The following STOX2 variants were observed in gnomAD, a reference collection of about 807,000 sequenced individuals.
STOX2 encodes the protein storkhead box 2.
STOX2 carries 28 observed loss-of-function variants against 60.9 expected under a neutral mutation model. The ratio of observed to expected loss-of-function variants is 0.46; its 90% CI spans 0.34 to 0.63. The LOEUF is 0.63. Among genes scored for constraint, STOX2 ranks in the 30% least tolerant of loss-of-function variants. The pLI is 0.01. For missense variants in STOX2, 1,024 were observed against 1,187.7 expected (o/e 0.86, Z 2.03); for synonymous variants, 472 against 463.9 (o/e 1.02, Z -0.22).
rs1212477742 is a variant in STOX2, at chr4:183,806,496, G to A, written c.364+8441G>A. Among the ~76,000 whole-genome samples the A allele has an allele frequency of 6.6e-6, 1 of 152,114 alleles. No individual in the cohort carries two copies. The highest frequency in any genetic ancestry group is 1.5e-5 in the Non-Finnish European group (1 of 68,030). ...CATCTTCCTGCCGCCTGAGGTTGCT[G>A]CAGCCTTCTGTCTTCACTGTGAACC... On this transcript the variant is annotated intron_variant, in intron 1 of 2. Coordinates refer to the STOX2 transcript ENST00000513034. This position sits in a 1 kb window ranked among gnomAD's most constrained non-coding sequence, Gnocchi z 4.1.
In STOX2 at chr4:183,824,349, A is replaced by G. The variant is rs79957282; in HGVS notation, c.364+26294A>G. On this transcript the variant is annotated intron_variant, in intron 1 of 2. Transcript: ENST00000513034. The stretch of plus-strand genomic sequence containing the variant: ...TATTTCTCACCGACATTCTACTTTC[A>G]TTTAAGGCTATTTTACTTTCCTAGG... Among the ~76,000 whole-genome samples the G allele has an allele frequency of 6.8e-3, 1,036 of 152,206 alleles. 9 individuals carry two copies. The highest frequency in any genetic ancestry group is 0.024 in the African/African-American group (1,009 of 41,522).
At chr4:183,899,382 A>G (rs1560870888) in intron 1 of STOX2, among the ~76,000 whole-genome samples, 1 of 152,242 alleles carries the variant, frequency 6.6e-6, no homozygotes, top group Non-Finnish European at 1.5e-5. Context: ...GAGATGGGCT[A>G]AAAGATAGGT....
intron 1 of STOX2, among the ~76,000 whole-genome samples, chr4:183,980,573 G>A (rs1309999486): frequency 1.3e-5 from 2 of 152,122 alleles, no homozygotes; most frequent in African/African-American, 4.8e-5. Flanking sequence ...GGGACTGTGA[G>A]AAGTACAAAT....
At chr4:184,007,091 T>C (rs1733902867) in intron 2 of STOX2, among the ~76,000 whole-genome samples, 1 of 150,606 alleles carries the variant, frequency 6.6e-6, no homozygotes, top group African/African-American at 2.4e-5. Flanking sequence ...TAAAAACTAA[T>C]GCTCACTTGC....
chr4:183,826,660 A>G (rs6812820), intron 1 of STOX2, among the ~76,000 whole-genome samples: 3,445 of 152,300 alleles, frequency 0.023, 110 homozygotes, highest in African/African-American at 0.079. Context: ...ATCGCCCTCA[A>G]CTTCAGTTTT....
intron 1 of STOX2, among the ~76,000 whole-genome samples, chr4:183,956,983 A>C (rs1299404693): frequency 1.7e-5 from 2 of 114,510 alleles, no homozygotes; most frequent in Non-Finnish European, 3.3e-5. Context: ...GGACACAGGA[A>C]GGGGAACATC....
At position 184,022,693 on chromosome 4, in the gene STOX2, T is replaced by G. The variant is rs1734635272; in HGVS notation, c.*5409T>G. 6.6e-6 allele frequency: 1 copy of G among 151,510 alleles called. No homozygotes were observed. The highest frequency in any genetic ancestry group is 1.5e-5 in the Non-Finnish European group (1 of 67,954). The allele number at this position is 151,510 out of a possible 1,614,324, so 9.4% of individuals were successfully genotyped here. ...GAGGTACCAAATGTGAGACCTGAGA[T>G]CTCCTCCAATATCTGTCCTCTGCAG... is the stretch of plus-strand genomic sequence containing the variant. On this transcript the variant is annotated 3_prime_UTR_variant, in exon 4 of 4. Transcript: ENST00000308497.
At chr4:183,808,486 C>T (rs2111098215) in intron 1 of STOX2, among the ~76,000 whole-genome samples, 1 of 152,322 alleles carries the variant, frequency 6.6e-6, no homozygotes. Context: ...CTAGGTTGAT[C>T]ACTTTCCTTT....
intron 1 of STOX2, among the ~76,000 whole-genome samples, chr4:183,867,518 T>C (rs951391925): frequency 1.3e-5 from 2 of 152,198 alleles, no homozygotes; most frequent in African/African-American, 4.8e-5. Context: ...CCCTTCATCA[T>C]TAAAAGCATA....
intron 1 of STOX2, among the ~76,000 whole-genome samples, chr4:183,824,145 A>T (rs1267878952): frequency 6.6e-6 from 1 of 152,268 alleles, no homozygotes; most frequent in Admixed American, 6.5e-5. Flanking sequence ...GCTTTAGCTC[A>T]TAAACCGTCA....
chr4:183,871,046 T>C (rs375542994), intron 1 of STOX2, among the ~76,000 whole-genome samples: 4 of 152,358 alleles, frequency 2.6e-5, no homozygotes, highest in African/African-American at 9.6e-5. Context: ...TTTTTATTCT[T>C]AGATGGCCTT....
rs1438512834 is a variant in STOX2, at chr4:184,018,895, T to C, written c.*1611T>C. ...TAAAGTTTTATTTAGTTCAGTGGCATGTGCTGTTGGGAGCCATACACCATA... is the reference window on the plus strand; with the variant it reads ...TAAAGTTTTATTTAGTTCAGTGGCACGTGCTGTTGGGAGCCATACACCATA... On this transcript the variant is annotated 3_prime_UTR_variant, in exon 4 of 4. Transcript: ENST00000308497. 1 of 152,256 alleles carries C rather than the reference T, an allele frequency of 6.6e-6. No individual in the cohort carries two copies. The allele number at this position is 152,256 out of a possible 1,614,324, so 9.4% of individuals were successfully genotyped here.
chr4:183,844,641 T>C (rs541408901), intron 1 of STOX2, among the ~76,000 whole-genome samples: 61 of 152,330 alleles, frequency 4.0e-4, no homozygotes, highest in African/African-American at 1.4e-3. Context: ...GTGGGTCATT[T>C]AATTGCAGTT....
intron 1 of STOX2, among the ~76,000 whole-genome samples, chr4:183,977,320 A>T (rs1383365031): frequency 6.6e-6 from 1 of 152,154 alleles, no homozygotes; most frequent in Non-Finnish European, 1.5e-5. Flanking sequence ...GTTAAAATGT[A>T]TCCACGGGAT....
rs1262853756 is a variant in STOX2, at chr4:184,009,029, T to C, written c.320-129T>C. On this transcript the variant is annotated intron_variant, in intron 2 of 3. Coordinates refer to ENST00000308497, the MANE Select transcript of STOX2 (RefSeq NM_020225.3). This position sits in a 1 kb window ranked among gnomAD's most constrained non-coding sequence, Gnocchi z 4.0. ...TTGCACTGAACTTAATGAACACCTT[T>C]GTCTGAATTGTGCATCCTAGCTCTG... 4.2e-6 allele frequency: 3 copies of C among 709,548 alleles called. No individual in the cohort carries two copies. Among genetic ancestry groups the C allele is most frequent in the Non-Finnish European group, 6.9e-6 (3 of 433,612 alleles). 44.0% of individuals were successfully genotyped at this position (709,548 alleles called of 1,614,324 possible). A position where few individuals can be genotyped will look rare whatever the true frequency, so the allele number is the denominator to read the frequency against.
intron 1 of STOX2, among the ~76,000 whole-genome samples, chr4:183,864,492 C>G (rs1207848070): frequency 6.6e-6 from 1 of 152,184 alleles, no homozygotes; most frequent in African/African-American, 2.4e-5. Context: ...CTCCTGGGTT[C>G]AAGTGATTCT....
At chr4:183,808,256 C>T (rs2111097976) in intron 1 of STOX2, among the ~76,000 whole-genome samples, 1 of 152,340 alleles carries the variant, frequency 6.6e-6, no homozygotes, top group East Asian at 1.9e-4. Context: ...AGTCTTGTTA[C>T]AGCGCCACCA....
chr4:183,805,291 G>A (rs2111094534), intron 1 of STOX2, among the ~76,000 whole-genome samples: 1 of 152,280 alleles, frequency 6.6e-6, no homozygotes, highest in South Asian at 2.1e-4. Context: ...TGTTAAATAA[G>A]TTTTAAACCC....
At chr4:183,931,009 AAACTGTC>A (rs1048154344) in intron 1 of STOX2, among the ~76,000 whole-genome samples, 4 of 77,594 alleles carry the variant, frequency 5.2e-5, no homozygotes, top group African/African-American at 1.0e-4. Context: ...ATTCATCTAG[AAACTGTC>A]ATGTTTGTTC....
Sources: gnomAD v4.1 joint callset for allele counts (sites outside exome capture counted in the v4.1 genomes callset) on GRCh38, gnomAD v4.1.1 for gene constraint, Gnocchi (gnomAD v3.1) non-coding constraint, MANE v1.5 for transcripts, NCBI Gene and HGNC (gene_info 2026-07-23, HGNC 2026-07-21) for gene names.